UBFD1: variants seen among roughly 807,000 people sequenced by gnomAD.
UBFD1 encodes the protein ubiquitin domain-containing protein UBFD1.
A neutral mutation model predicts 35.1 loss-of-function variants in UBFD1; 12 were observed. That is an observed-to-expected ratio of 0.34 (90% CI 0.22 to 0.55). The LOEUF (loss-of-function observed/expected upper bound fraction) is 0.55. Among genes scored for constraint, UBFD1 ranks in the 20% least tolerant of loss-of-function variants. The pLI, the probability that UBFD1 is intolerant of heterozygous loss-of-function variation, is 0.89. For synonymous variants in UBFD1, 178 were observed against 167.6 expected (o/e 1.06, Z -0.48); for missense variants, 337 against 410.8 (o/e 0.82, Z 1.55).
rs1965943608 is a variant in UBFD1 at position 23,562,078 on chromosome 16, A to G, written c.565-128A>G. The G allele has an allele frequency of 7.6e-6, 6 of 786,962 alleles. No individual in the cohort carries two copies. In the Admixed American group the frequency reaches 1.0e-4, roughly 14 times the overall value. The allele number at this position is 786,962 out of a possible 1,614,324, so 48.7% of individuals were successfully genotyped here. On this transcript the variant is annotated intron_variant, in intron 3 of 6. Coordinates refer to ENST00000395878, the MANE Select transcript of UBFD1 (RefSeq NM_019116.3). Reference sequence around the variant, plus strand: ...ACTGTGCTATAGTTTCAAAGGATCCATAGTCTGTCGTCATTAAAAGCTTTT... The same window carrying G: ...ACTGTGCTATAGTTTCAAAGGATCCGTAGTCTGTCGTCATTAAAAGCTTTT...
intron 4 of UBFD1, 145 bp from the exon 5 acceptor site, chr16:23,562,480 C>G (rs931955381): frequency 4.9e-6 from 4 of 816,318 alleles, no homozygotes; most frequent in African/African-American, 3.5e-5. Flanking sequence ...GTTGCCCAGG[C>G]TAGTCTCCAA....
In UBFD1 at chr16:23,570,662, C is replaced by T. The variant is rs1966070933; in HGVS notation, c.*72C>T. 2 of 1,256,294 alleles carry T rather than the reference C, an allele frequency of 1.6e-6. No homozygotes were observed. Among genetic ancestry groups the T allele is most frequent in the Admixed American group, 1.9e-5 (1 of 52,998 alleles). 77.8% of individuals were successfully genotyped at this position (1,256,294 alleles called of 1,614,324 possible). A position where few individuals can be genotyped will look rare whatever the true frequency, so the allele number is the denominator to read the frequency against. ...ATTGCCGGGAGAGGCCTGCAGCATC[C>T]CTGGATTTCAGAGTTCTGGAACTTT... On this transcript the variant is annotated 3_prime_UTR_variant, in exon 7 of 7. Coordinates refer to ENST00000395878, the MANE Select transcript of UBFD1 (RefSeq NM_019116.3).
chr16:23,558,169 G>T lies in UBFD1; in HGVS notation c.245G>T (p.Gly82Val), dbSNP rs754046839. The T allele has an allele frequency of 3.7e-6, 6 of 1,606,116 alleles. No individual in the cohort carries two copies. In the South Asian group the frequency reaches 5.6e-5, roughly 15 times the overall value. The change falls in exon 2 of 7, where the codon GGC becomes GTC. Residue 82 changes from glycine to valine, a missense_variant. Physicochemically the swap from Gly to Val is moderately radical, Grantham distance 109. Around this residue, in one of 4 missense-constraint regions of UBFD1, gnomAD observed 198 missense variants for 168.4 expected, o/e 1.18. Transcript: ENST00000395878. ...SNGEDAGGGA[G>V]RELVDLKIIW... Reference sequence around the variant, plus strand: ...GGCGAAGACGCGGGCGGCGGCGCGGGCAGGGAGCTGGTGGACTTGAAGATC... The same window carrying T: ...GGCGAAGACGCGGGCGGCGGCGCGGTCAGGGAGCTGGTGGACTTGAAGATC...
In UBFD1 at chr16:23,562,796, TTA is replaced by T. The variant is rs1424348468; in HGVS notation, c.736+67_736+68del. The T allele has an allele frequency of 2.9e-6, 4 of 1,387,210 alleles. No individual in the cohort carries two copies. In the African/African-American group the frequency reaches 5.7e-5, roughly 20 times the overall value. The allele number at this position is 1,387,210 out of a possible 1,614,324, so 85.9% of individuals were successfully genotyped here. On this transcript the variant is annotated intron_variant, in intron 5 of 6. Transcript: ENST00000395878. ...TCTGGCACCCAGCAGCACTCACATT[TTA>T]GAGTGCGATTTCACCCCTCCTTCTG...
intron 6 of UBFD1, among the ~76,000 whole-genome samples, chr16:23,568,263 G>A (rs1241353601): frequency 1.3e-5 from 2 of 150,210 alleles, no homozygotes; most frequent in East Asian, 2.0e-4. Flanking sequence ...AGGTTCAGGC[G>A]ATTCTCCTGC....
At chr16:23,558,371 C>G in intron 2 of UBFD1, 92 bp downstream of exon 2, 1 of 1,461,490 alleles carries the variant, frequency 6.8e-7, no homozygotes, top group African/African-American at 1.5e-5. Flanking sequence ...TTCCTTGCAT[C>G]AGGTCCCCCC....
chr16:23,558,310 C>T (rs745775626), intron 2 of UBFD1, 31 bp downstream of exon 2: 1 of 1,592,358 alleles, frequency 6.3e-7, no homozygotes, highest in Admixed American at 1.7e-5. Flanking sequence ...AGCCAGTCTT[C>T]CCCACCCCGC....
chr16:23,562,369 T>C (rs1439116596), intron 4 of UBFD1, 98 bp downstream of exon 4: 2 of 1,185,806 alleles, frequency 1.7e-6, no homozygotes, highest in Non-Finnish European at 2.4e-6. Context: ...TTTCCCTGTT[T>C]TTTTTTTTTT....
Position 23,570,642 on chromosome 16 carries a change from C to T in UBFD1, c.*52C>T, listed in dbSNP as rs775392539. 5.5e-5 allele frequency: 79 copies of T among 1,424,250 alleles called. No homozygotes were observed. Among genetic ancestry groups the T allele is most frequent in the Admixed American group, 1.2e-4 (7 of 58,428 alleles). The allele number at this position is 1,424,250 out of a possible 1,614,324, so 88.2% of individuals were successfully genotyped here. A position where few individuals can be genotyped will look rare whatever the true frequency, so the allele number is the denominator to read the frequency against. ...ACTGACCCAAAGTGAAGGACATTGC[C>T]GGGAGAGGCCTGCAGCATCCCTGGA... On this transcript the variant is annotated 3_prime_UTR_variant, in exon 7 of 7. Coordinates refer to ENST00000395878, the MANE Select transcript of UBFD1 (RefSeq NM_019116.3).
intron 3 of UBFD1, 163 bp downstream of exon 3, chr16:23,559,839 T>C (rs1965903535): frequency 6.5e-7 from 1 of 1,538,358 alleles, no homozygotes. Context: ...GACAACTACC[T>C]GAGATTTGCA....
At chr16:23,568,251 C>T (rs1448623130) in intron 6 of UBFD1, among the ~76,000 whole-genome samples, 1 of 151,292 alleles carries the variant, frequency 6.6e-6, no homozygotes, top group Non-Finnish European at 1.5e-5. Flanking sequence ...CCTCTGCCTC[C>T]CAGGTTCAGG....
chr16:23,571,254 C>T lies in UBFD1; in HGVS notation c.*664C>T, dbSNP rs1966080663. 2 of 152,708 alleles carry T rather than the reference C, an allele frequency of 1.3e-5. No individual in the cohort carries two copies. Among genetic ancestry groups the T allele is most frequent in the South Asian group, 2.1e-4 (1 of 4,838 alleles). The allele number at this position is 152,708 out of a possible 1,614,324, so 9.5% of individuals were successfully genotyped here. A position where few individuals can be genotyped will look rare whatever the true frequency, so the allele number is the denominator to read the frequency against. ...GCTCCCTCCCGCCGTGCTGCTGCTG[C>T]CTGTGAACGCACGGTGGGAGAGGAA... is the stretch of plus-strand genomic sequence containing the variant. On this transcript the variant is annotated 3_prime_UTR_variant, in exon 7 of 7. Transcript: ENST00000395878.
chr16:23,564,307 T>A (rs1157336096), intron 5 of UBFD1, among the ~76,000 whole-genome samples: 1 of 152,204 alleles, frequency 6.6e-6, no homozygotes, highest in African/African-American at 2.4e-5. Context: ...ATTGTTAAAA[T>A]GAACAAAAAT....
At chr16:23,562,885 G>A (rs1384646102) in intron 5 of UBFD1, among the ~76,000 whole-genome samples, 155 bp downstream of exon 5, 4 of 152,082 alleles carry the variant, frequency 2.6e-5, no homozygotes, top group African/African-American at 2.4e-5. Flanking sequence ...TTAGATGCTC[G>A]CCTTTTGTTT....
In UBFD1 at chr16:23,566,982, C is replaced by T. The variant is rs376245463; in HGVS notation, c.737-5C>T. 13 of 1,613,934 alleles carry T rather than the reference C, an allele frequency of 8.1e-6. No homozygotes were observed. The African/African-American group carries it at 9.3e-5, about 12-fold the overall frequency. On this transcript the variant is annotated splice_polypyrimidine_tract_variant and splice_region_variant and intron_variant, in intron 5 of 6. Transcript: ENST00000395878. ...GAATAATCACTGTAATCCCTCTCAA[C>T]TTAGAGCGGACTGAGAAATTGCCCA...
intron 6 of UBFD1, among the ~76,000 whole-genome samples, chr16:23,568,072 C>T (rs1419116354): frequency 6.6e-6 from 1 of 152,194 alleles, no homozygotes; most frequent in African/African-American, 2.4e-5. Context: ...GAGTGCAGTC[C>T]CTAGGCTGTG....
At chr16:23,562,572 T>G in intron 4 of UBFD1, 53 bp from the exon 5 acceptor site, 1 of 1,564,472 alleles carries the variant, frequency 6.4e-7, no homozygotes, top group African/African-American at 1.4e-5. Context: ...TTGGCCCCCT[T>G]CTCTTTTTTT....
intron 4 of UBFD1, 24 bp from the exon 5 acceptor site, chr16:23,562,601 C>G (rs1965953404): frequency 6.2e-7 from 1 of 1,609,262 alleles, no homozygotes; most frequent in South Asian, 1.1e-5. Context: ...CCCTCCATCT[C>G]TTACCATTCT....
chr16:23,566,129 AGT>A (rs1021026178), intron 5 of UBFD1: 1 of 152,228 alleles, frequency 6.6e-6, no homozygotes, highest in South Asian at 2.1e-4. Context: ...ACTTCATAAA[AGT>A]GTGTGAATAT....
Sources: allele counts gnomAD v4.1 joint callset (sites outside exome capture counted in the v4.1 genomes callset), GRCh38; gene constraint gnomAD v4.1.1; regional missense constraint gnomAD v4.1.1; transcripts MANE v1.5; gene names NCBI Gene and HGNC (gene_info 2026-07-23, HGNC 2026-07-21).